C11orf65: variants seen among roughly 807,000 people sequenced by gnomAD.
C11orf65 encodes the protein protein MFI.
Under a neutral mutation model 35.3 loss-of-function variants are expected in C11orf65, and 38 were observed. That is an observed-to-expected ratio of 1.08 (90% CI 0.83 to 1.41). The LOEUF (loss-of-function observed/expected upper bound fraction) is 1.41, where lower values mean the gene tolerates loss of function less well. C11orf65 is among the 40% of genes most tolerant of loss of function. C11orf65 has a pLI of 0.00. For synonymous variants in C11orf65, 105 were observed against 114.4 expected (o/e 0.92, Z 0.53); for missense variants, 370 against 367.1 (o/e 1.01, Z -0.06).
intron 2 of C11orf65, among the ~76,000 whole-genome samples, chr11:108,445,104 G>A (rs542979541): frequency 2.6e-4 from 40 of 152,284 alleles, no homozygotes; most frequent in East Asian, 7.7e-4. Context: ...CAAAGCAGCC[G>A]GGAAGCTCCA....
intron 2 of C11orf65, chr11:108,365,597 G>A: frequency 6.9e-7 from 1 of 1,446,898 alleles, no homozygotes; most frequent in Non-Finnish European, 9.4e-7. Flanking sequence ...TTTAAGTAGG[G>A]ATTAATATTT....
intron 6 of C11orf65, among the ~76,000 whole-genome samples, chr11:108,404,596 T>TTC (rs1181980967): frequency 1.3e-5 from 2 of 149,986 alleles, no homozygotes; most frequent in Non-Finnish European, 3.0e-5. Flanking sequence ...CTTTTTTTTT[T>TTC]TTTTTGGATT....
chr11:108,432,447 T>C (rs771851773), intron 2 of C11orf65, among the ~76,000 whole-genome samples: 3 of 152,242 alleles, frequency 2.0e-5, no homozygotes, highest in Admixed American at 6.5e-5. Flanking sequence ...TACAGGATTC[T>C]GTAATGGTAA....
At chr11:108,408,129 G>C (rs1467260272) in intron 3 of C11orf65, among the ~76,000 whole-genome samples, 2 of 151,198 alleles carry the variant, frequency 1.3e-5, no homozygotes, top group African/African-American at 2.4e-5. Flanking sequence ...CCACTAAAAG[G>C]ACTTAATTTC....
At chr11:108,331,320 A>G, downstream of C11orf65, 1 of 1,465,672 alleles carries the variant, frequency 6.8e-7, no homozygotes, top group Non-Finnish European at 9.0e-7. Flanking sequence ...CAATATAGTT[A>G]GTGAAGTTTT....
At chr11:108,439,245 A>T (rs962240324) in intron 2 of C11orf65, among the ~76,000 whole-genome samples, 1 of 152,242 alleles carries the variant, frequency 6.6e-6, no homozygotes, top group Admixed American at 6.5e-5. Flanking sequence ...CAATATCACT[A>T]GTCATAAGGG....
intron 6 of C11orf65, among the ~76,000 whole-genome samples, chr11:108,400,994 A>C (rs1042112506): frequency 7.9e-5 from 12 of 152,022 alleles, no homozygotes; most frequent in Non-Finnish European, 2.9e-5. Context: ...CTGTTATCCC[A>C]GCTACTCGGC....
chr11:108,325,207 G>A, intron 6 of C11orf65: 2 of 785,530 alleles, frequency 2.5e-6, no homozygotes, highest in Non-Finnish European at 4.0e-6. Flanking sequence ...AAGTTCCTTT[G>A]TATTATTATA....
intron 2 of C11orf65, among the ~76,000 whole-genome samples, chr11:108,374,758 A>G (rs1358687218): frequency 1.3e-5 from 2 of 152,196 alleles, no homozygotes; most frequent in Non-Finnish European, 2.9e-5. Context: ...AGACAAATGT[A>G]TAACTAGAAT....
In C11orf65 at chr11:108,310,265, CTA is replaced by C. The variant is rs1060501657; in HGVS notation, c.641-1196_641-1195del. 2 of 1,613,354 alleles carry C rather than the reference CTA, an allele frequency of 1.2e-6. No individual in the cohort carries two copies. Among genetic ancestry groups the C allele is most frequent in the Admixed American group, 3.3e-5 (2 of 59,994 alleles). On this transcript the variant is annotated intron_variant, in intron 6 of 6. Coordinates refer to the C11orf65 transcript ENST00000525729. ...GTGCTGCTCACTTTACAGCTTTACTCTATGCAGAAATCTATGCAGATAAGAAA... is the reference window on the plus strand; with the variant it reads ...GTGCTGCTCACTTTACAGCTTTACTCTGCAGAAATCTATGCAGATAAGAAA...
At chr11:108,396,157 A>C (rs2092304418) in intron 6 of C11orf65, among the ~76,000 whole-genome samples, 1 of 152,098 alleles carries the variant, frequency 6.6e-6, no homozygotes, top group African/African-American at 2.4e-5. Flanking sequence ...CAGTGGCACG[A>C]TCTTGGCTCA....
chr11:108,457,348 A>C (rs2093420957), intron 2 of C11orf65, among the ~76,000 whole-genome samples: 1 of 152,126 alleles, frequency 6.6e-6, no homozygotes, highest in Non-Finnish European at 1.5e-5. Flanking sequence ...CTACAATAAA[A>C]ATAGTTAAAA....
chr11:108,400,454 T>C (rs1281321750), intron 6 of C11orf65, among the ~76,000 whole-genome samples: 2 of 152,156 alleles, frequency 1.3e-5, no homozygotes, highest in African/African-American at 2.4e-5. Flanking sequence ...TGGAAACAGA[T>C]GTACAAGCCC....
chr11:108,393,470 T>A, intron 6 of C11orf65, 92 bp from the exon 7 acceptor site: 2 of 1,189,550 alleles, frequency 1.7e-6, no homozygotes, highest in Non-Finnish European at 2.4e-6. Context: ...ATTTACATAT[T>A]AAAACTATTT....
chr11:108,433,834 C>T (rs929220707), intron 2 of C11orf65, among the ~76,000 whole-genome samples: 1 of 151,992 alleles, frequency 6.6e-6, no homozygotes, highest in African/African-American at 2.4e-5. Context: ...AATCCTTCTA[C>T]TGGGACAGAA....
intron 5 of C11orf65, 42 bp from the exon 6 acceptor site, chr11:108,405,601 C>A: frequency 6.3e-7 from 1 of 1,597,772 alleles, no homozygotes. Context: ...GTTGAAATAT[C>A]GATTGTGAGG....
At chr11:108,348,828 C>A (rs1328569997) in intron 2 of C11orf65, among the ~76,000 whole-genome samples, 1 of 152,104 alleles carries the variant, frequency 6.6e-6, no homozygotes, top group Non-Finnish European at 1.5e-5. Context: ...TAGGAGAATT[C>A]TCTTCTGCAT....
At chr11:108,387,684 C>T (rs1275172266) in intron 7 of C11orf65, among the ~76,000 whole-genome samples, 5 of 152,060 alleles carry the variant, frequency 3.3e-5, no homozygotes, top group African/African-American at 1.2e-4. Flanking sequence ...CATGTCACCA[C>T]ACCTGGCTAA....
chr11:108,461,601 A>G, intron 1 of C11orf65, 33 bp from the exon 2 acceptor site: 1 of 1,241,302 alleles, frequency 8.1e-7, no homozygotes. Flanking sequence ...GGTACATTTA[A>G]AATAATTTTA....
Sources: allele counts gnomAD v4.1 joint callset (sites outside exome capture counted in the v4.1 genomes callset), GRCh38; gene constraint gnomAD v4.1.1; transcripts MANE v1.5; gene names NCBI Gene and HGNC (gene_info 2026-07-23, HGNC 2026-07-21).